The following PGM5 variants were observed in gnomAD, a reference collection of about 807,000 sequenced individuals.
The protein encoded by PGM5 is phosphoglucomutase 5.
PGM5 carries 23 observed loss-of-function variants against 59.2 expected under a neutral mutation model. The observed-to-expected ratio is 0.39, with a 90% confidence interval of 0.28 to 0.55. PGM5 has a LOEUF of 0.55. Ranked by LOEUF, PGM5 falls within the 20% of genes least tolerant of loss-of-function variation. PGM5 has a pLI of 0.66. For synonymous variants in PGM5, 214 were observed against 286.0 expected, an observed-to-expected ratio of 0.75 and a Z score of 2.54; for missense variants, 574 against 748.3, an observed-to-expected ratio of 0.77 and a Z score of 2.72.
chr9:68,441,973 G>T lies in PGM5; in HGVS notation c.1044-23120G>T, dbSNP rs76729162. Among the ~76,000 whole-genome samples the T allele has an allele frequency of 5.6e-3, 849 of 152,062 alleles. 4 individuals carry two copies. The highest frequency in any genetic ancestry group is 8.8e-3 in the Non-Finnish European group (598 of 67,988). On this transcript the variant is annotated intron_variant, in intron 6 of 10. Coordinates refer to ENST00000396396, the MANE Select transcript of PGM5 (RefSeq NM_021965.4). ...TGAAAAAAGCAATACTATTTAGATT[G>T]CTCAAAAATTAAATACTTAGCTGTA... is the stretch of plus-strand genomic sequence containing the variant.
At position 68,451,643 on chromosome 9, in the gene PGM5, G is replaced by A. The variant is rs371308676; in HGVS notation, c.1044-13450G>A. Among the ~76,000 whole-genome samples, 310 of 152,322 alleles carry A rather than the reference G, an allele frequency of 2.0e-3. 2 individuals carry two copies. Among genetic ancestry groups the A allele is most frequent in the African/African-American group, 7.0e-3 (292 of 41,568 alleles). ...GAAAAAATAAAATATGCCATTCAAA[G>A]TTGGGTCTTTAACAGCTCAAAGATG... On this transcript the variant is annotated intron_variant, in intron 6 of 10. Coordinates refer to ENST00000396396, the MANE Select transcript of PGM5 (RefSeq NM_021965.4).
Position 68,483,877 on chromosome 9 carries a change from G to A in PGM5, c.1308G>A (p.Glu436=). The A allele has an allele frequency of 1.9e-6, 3 of 1,614,086 alleles. No individual in the cohort carries two copies. The South Asian group carries it at 3.3e-5, about 18-fold the overall frequency. ...GTGTCCTCACCAGGTTTGACTATGA[G>A]GGGTTGGATCCCAAGACGACATATT... ...GRHYYCRFDY[E]GLDPKTTYYI... is the part of the protein sequence containing the mutation. Residue 436 remains glutamate, a synonymous_variant, in exon 9 of 11, where the codon GAG becomes GAA. Transcript: ENST00000396396.
intron 10 of PGM5, among the ~76,000 whole-genome samples, chr9:68,509,857 G>A (rs537117828): frequency 3.8e-4 from 58 of 152,238 alleles, no homozygotes; most frequent in African/African-American, 1.3e-3. Flanking sequence ...GTCTGAGAAA[G>A]GAAGTGTTTG....
At chr9:68,512,036 T>G (rs1824758242) in intron 10 of PGM5, among the ~76,000 whole-genome samples, 1 of 152,200 alleles carries the variant, frequency 6.6e-6, no homozygotes, top group Non-Finnish European at 1.5e-5. Context: ...TTTCTCTACT[T>G]GTCTCTCCAT....
intron 6 of PGM5, among the ~76,000 whole-genome samples, chr9:68,429,868 C>G (rs1186486904): frequency 2.0e-5 from 3 of 152,202 alleles, no homozygotes; most frequent in African/African-American, 7.2e-5. Flanking sequence ...CATGCTCATC[C>G]TTTGAATGAC....
At chr9:68,414,977 T>A (rs2258491) in intron 6 of PGM5, among the ~76,000 whole-genome samples, 172 of 145,378 alleles carry the variant, frequency 1.2e-3, no homozygotes, top group East Asian at 6.6e-3. Flanking sequence ...GAAGGGTCAC[T>A]GAGGTACACA....
At chr9:68,361,123 G>T (rs1834570442) in intron 1 of PGM5, among the ~76,000 whole-genome samples, 2 of 152,118 alleles carry the variant, frequency 1.3e-5, no homozygotes, top group South Asian at 4.1e-4. Flanking sequence ...TTACTACGTT[G>T]CCCAGGCTGG....
chr9:68,509,381 G>T (rs1264693359), intron 10 of PGM5, among the ~76,000 whole-genome samples: 1 of 152,184 alleles, frequency 6.6e-6, no homozygotes, highest in East Asian at 1.9e-4. Flanking sequence ...ATTTTTGTTG[G>T]TACAAATCAT....
intron 6 of PGM5, among the ~76,000 whole-genome samples, chr9:68,455,275 G>GT (rs1248753557): frequency 6.6e-6 from 1 of 152,282 alleles, no homozygotes; most frequent in East Asian, 1.9e-4. Context: ...GGAATGCAAA[G>GT]TTTTGCATGT....
chr9:68,487,330 C>T (rs72714330), intron 9 of PGM5, among the ~76,000 whole-genome samples: 14,644 of 152,096 alleles, frequency 0.096, 790 homozygotes, highest in Middle Eastern at 0.16. Context: ...TCAGGTACAG[C>T]GGCAAGTACC....
intron 10 of PGM5, among the ~76,000 whole-genome samples, chr9:68,520,419 G>C (rs1216513086): frequency 1.3e-5 from 2 of 151,982 alleles, no homozygotes; most frequent in African/African-American, 4.8e-5. Context: ...ACCCCTCTCA[G>C]TAATTATTAG....
intron 6 of PGM5, among the ~76,000 whole-genome samples, chr9:68,438,862 A>G (rs1823482177): frequency 1.3e-5 from 2 of 151,896 alleles, no homozygotes; most frequent in South Asian, 2.1e-4. Flanking sequence ...GAGATTCCTC[A>G]TTTTTCATTT....
chr9:68,450,564 A>G (rs1008900923), intron 6 of PGM5, among the ~76,000 whole-genome samples: 9 of 152,248 alleles, frequency 5.9e-5, no homozygotes, highest in Non-Finnish European at 1.3e-4. Context: ...TGGGAATTCC[A>G]TATGTGTAAT....
At chr9:68,364,068 A>G (rs1834633969) in intron 1 of PGM5, among the ~76,000 whole-genome samples, 1 of 152,248 alleles carries the variant, frequency 6.6e-6, no homozygotes. Flanking sequence ...GAGAAAATGT[A>G]TTTGTTGACT....
chr9:68,443,631 T>C (rs1457737813), intron 6 of PGM5, among the ~76,000 whole-genome samples: 1 of 152,190 alleles, frequency 6.6e-6, no homozygotes, highest in East Asian at 1.9e-4. Context: ...TCCAAAAAGT[T>C]AGAACTTATT....
intron 10 of PGM5, among the ~76,000 whole-genome samples, chr9:68,523,432 C>G (rs1397556120): frequency 6.6e-6 from 1 of 152,168 alleles, no homozygotes; most frequent in African/African-American, 2.4e-5. Context: ...CCAGGGGATA[C>G]TGGTGCATGT....
chr9:68,482,347 C>G (rs1824211443), intron 8 of PGM5, among the ~76,000 whole-genome samples: 1 of 152,000 alleles, frequency 6.6e-6, no homozygotes, highest in Non-Finnish European at 1.5e-5. Flanking sequence ...TGACTGCAGT[C>G]TCAGAATATA....
chr9:68,453,372 G>C (rs1166723678), intron 6 of PGM5, among the ~76,000 whole-genome samples: 1 of 152,048 alleles, frequency 6.6e-6, no homozygotes. Context: ...ACAGGGTCTT[G>C]CTGCTGCCCA....
At chr9:68,519,323 G>T (rs1387671730) in intron 10 of PGM5, among the ~76,000 whole-genome samples, 1 of 152,092 alleles carries the variant, frequency 6.6e-6, no homozygotes, top group African/African-American at 2.4e-5. Context: ...GCTGAAATAT[G>T]TATATTAATT....
Sources: gnomAD v4.1 joint callset for allele counts (sites outside exome capture counted in the v4.1 genomes callset) on GRCh38, gnomAD v4.1.1 for gene constraint, MANE v1.5 for transcripts, NCBI Gene and HGNC (gene_info 2026-07-23, HGNC 2026-07-21) for gene names.